LGI2: variants seen among roughly 807,000 people sequenced by gnomAD.
LGI2 encodes leucine rich repeat LGI family member 2.
Under a neutral mutation model 52.0 loss-of-function variants are expected in LGI2, and 30 were observed. That is an observed-to-expected ratio of 0.58 (90% CI 0.43 to 0.78). LGI2 has a LOEUF of 0.78. LGI2 is among the 30% of genes least tolerant of loss of function. The probability of loss-of-function intolerance (pLI) is 0.00; values close to 1 mark genes in which losing one functional copy is unlikely to be tolerated. For missense variants in LGI2, 573 were observed against 692.5 expected (o/e 0.83, Z 1.94); for synonymous variants, 270 against 271.8 (o/e 0.99, Z 0.06).
chr4:25,017,586 T>C (rs962827394), intron 6 of LGI2, among the ~76,000 whole-genome samples: 14 of 150,738 alleles, frequency 9.3e-5, no homozygotes, highest in Non-Finnish European at 1.9e-4. Context: ...TGTTTGTTAG[T>C]TAAATGTCCA....
At chr4:24,992,194 A>G in the LGI2 span, among the ~76,000 whole-genome samples, 1 of 152,200 alleles carries the variant, frequency 6.6e-6, no homozygotes. Flanking sequence ...CTTAGGCAAG[A>G]CACGTCATCT....
chr4:25,030,418 G>C, intron 1 of LGI2, 79 bp downstream of exon 1: 1 of 1,473,014 alleles, frequency 6.8e-7, no homozygotes, highest in Non-Finnish European at 9.2e-7. Flanking sequence ...GCGCTGGCCC[G>C]GCGCCAGAGG....
the LGI2 span, among the ~76,000 whole-genome samples, chr4:24,993,588 C>A: frequency 1.3e-5 from 2 of 152,176 alleles, no homozygotes; most frequent in Non-Finnish European, 2.9e-5. Context: ...TGCCTCCCAC[C>A]CCAACCCATG....
intron 7 of LGI2, among the ~76,000 whole-genome samples, chr4:25,005,881 C>T (rs1725379761): frequency 1.3e-5 from 2 of 152,186 alleles, no homozygotes; most frequent in African/African-American, 2.4e-5. Flanking sequence ...CTGGTTAACC[C>T]AACTCTCTGT....
rs200311162 is a variant in LGI2, at chr4:25,004,364, T to C, written c.821-96A>G. The C allele has an allele frequency of 9.3e-7, 1 of 1,071,208 alleles. No homozygotes were observed. Among genetic ancestry groups the C allele is most frequent in the East Asian group, 2.4e-5 (1 of 42,086 alleles). 66.4% of individuals were successfully genotyped at this position (1,071,208 alleles called of 1,614,324 possible). On this transcript the variant is annotated intron_variant, in intron 7 of 7. Transcript: ENST00000382114. The surrounding 1 kb of genome is among the most constrained non-coding windows in gnomAD (Gnocchi z 4.6). ...ATACACTGCTGGTGGGAGTGTGAAATGGCACAGCCACTATGGAAAACAGTA... is the reference window on the plus strand; with the variant it reads ...ATACACTGCTGGTGGGAGTGTGAAACGGCACAGCCACTATGGAAAACAGTA...
chr4:24,996,400 A>G (rs144813021), downstream of LGI2, among the ~76,000 whole-genome samples: 21 of 152,364 alleles, frequency 1.4e-4, no homozygotes, highest in Admixed American at 1.4e-3. Context: ...CATATGATTT[A>G]TAAGCCAAGA....
At chr4:25,024,088 C>T (rs532100601) in intron 4 of LGI2, among the ~76,000 whole-genome samples, 2 of 152,318 alleles carry the variant, frequency 1.3e-5, no homozygotes, top group East Asian at 3.9e-4. Context: ...CAACATTCCA[C>T]CTAGTCATCT....
chr4:25,030,030 TCA>T (rs1577564446), intron 1 of LGI2, among the ~76,000 whole-genome samples: 1 of 152,090 alleles, frequency 6.6e-6, no homozygotes, highest in East Asian at 1.9e-4. Context: ...CAGTTTGCAC[TCA>T]GTCAGGTCGT....
At chr4:25,028,078 G>C (rs879364749) in intron 2 of LGI2, among the ~76,000 whole-genome samples, 18 of 152,178 alleles carry the variant, frequency 1.2e-4, no homozygotes, top group African/African-American at 3.1e-4. Flanking sequence ...AATTACGCAC[G>C]TAAGTTCATA....
At chr4:25,030,229 C>T (rs1264336862) in intron 1 of LGI2, among the ~76,000 whole-genome samples, 1 of 152,238 alleles carries the variant, frequency 6.6e-6, no homozygotes, top group African/African-American at 2.4e-5. Flanking sequence ...CACAAGCTTC[C>T]CCAGGTGAGT....
intron 6 of LGI2, among the ~76,000 whole-genome samples, chr4:25,017,358 A>G (rs1725800476): frequency 6.6e-6 from 1 of 151,920 alleles, no homozygotes; most frequent in African/African-American, 2.4e-5. Context: ...CCTGGCCAAC[A>G]TGGTGAAACC....
chr4:24,994,779 G>C (rs967869926), downstream of LGI2, among the ~76,000 whole-genome samples: 1 of 152,170 alleles, frequency 6.6e-6, no homozygotes, highest in African/African-American at 2.4e-5. Context: ...CTCAGGCAGA[G>C]AATCGGGGCT....
At position 25,012,451 on chromosome 4, in the gene LGI2, G is replaced by C; in HGVS notation, c.704C>G (p.Thr235Arg). 1 of 1,614,166 alleles carries C rather than the reference G, an allele frequency of 6.2e-7. No individual in the cohort carries two copies. Among genetic ancestry groups the C allele is most frequent in the Non-Finnish European group, 8.5e-7 (1 of 1,180,004 alleles). ...TLPYQSVSVD[T>R]FNSKNDVYVA... ...GTACACATCGTTCTTGGAGTTGAAC[G>C]TATCCACTGAAACCGACTGGTAGGG... The change falls in exon 7 of 8, where the codon ACG becomes AGG. Residue 235 changes from threonine (T) to arginine (R), a missense_variant. By Grantham distance (71) the Thr-to-Arg change is moderately conservative (BLOSUM62 -1). Transcript: ENST00000382114.
rs551037011 is a variant in LGI2 at position 25,003,290 on chromosome 4, C to T, written c.*161G>A. On this transcript the variant is annotated 3_prime_UTR_variant, in exon 8 of 8. Coordinates refer to ENST00000382114, the MANE Select transcript of LGI2 (RefSeq NM_018176.4). ...TGCAGTTAGCCAATAAATGCAATCC[C>T]TGATTAAAATGTGAGTTCTAAAAGT... The T allele has an allele frequency of 2.1e-5, 12 of 564,822 alleles. 1 individual carries two copies. Among genetic ancestry groups the T allele is most frequent in the African/African-American group, 1.5e-4 (8 of 51,910 alleles). The allele number at this position is 564,822 out of a possible 1,614,324, so 35.0% of individuals were successfully genotyped here. A position where few individuals can be genotyped will look rare whatever the true frequency, so the allele number is the denominator to read the frequency against.
the LGI2 span, among the ~76,000 whole-genome samples, chr4:24,993,218 A>C: frequency 6.6e-6 from 1 of 152,182 alleles, no homozygotes; most frequent in East Asian, 1.9e-4. Flanking sequence ...TCTCTGTTTC[A>C]GGTCTTATTG....
At position 25,023,306 on chromosome 4, in the gene LGI2, C is replaced by G. The variant is rs1726034755; in HGVS notation, c.413+1514G>C. On this transcript the variant is annotated intron_variant, in intron 4 of 7. Transcript: ENST00000382114. ...CTATCCAAGCCTATACGACTCCAAGCCCACAATTGTAGTCTCTACAGGAAT... is the reference window on the plus strand; with the variant it reads ...CTATCCAAGCCTATACGACTCCAAGGCCACAATTGTAGTCTCTACAGGAAT... 1.3e-5 allele frequency among the ~76,000 whole-genome samples: 2 copies of G among 152,160 alleles called. 1 individual carries two copies. Among genetic ancestry groups the G allele is most frequent in the South Asian group, 4.1e-4 (2 of 4,828 alleles).
chr4:25,003,883 A>G lies in LGI2; in HGVS notation c.1206T>C (p.Asn402=), dbSNP rs2109403625. ...GGGGGACAAACTTCTTAGAGCTTTT[A>G]TTCCACTGGAGGATGATGGGGACCT... ...RSQVPIILQW[N]KSSKKFVPHG... Residue 402 remains asparagine (N), a synonymous_variant, in exon 8 of 8, where the codon AAT becomes AAC. Coordinates refer to ENST00000382114, the MANE Select transcript of LGI2 (RefSeq NM_018176.4). 1.9e-6 allele frequency: 3 copies of G among 1,614,192 alleles called. No individual in the cohort carries two copies. The South Asian group carries it at 3.3e-5, about 18-fold the overall frequency.
rs7668268 is a variant in LGI2, at chr4:25,012,276, C to G, written c.820+59G>C. 14 of 1,588,392 alleles carry G rather than the reference C, an allele frequency of 8.8e-6. No individual in the cohort carries two copies. In the South Asian group the frequency reaches 1.2e-4, roughly 14 times the overall value. ...TCAATACAGAGGACATTCCTCCTCCCGCGGGCTTGCCGCAATGCTGAAATT... is the reference window on the plus strand; with the variant it reads ...TCAATACAGAGGACATTCCTCCTCCGGCGGGCTTGCCGCAATGCTGAAATT... On this transcript the variant is annotated intron_variant, in intron 7 of 7. Coordinates refer to ENST00000382114, the MANE Select transcript of LGI2 (RefSeq NM_018176.4).
intron 6 of LGI2, among the ~76,000 whole-genome samples, chr4:25,013,142 T>A (rs951045464): frequency 1.3e-5 from 2 of 152,198 alleles, no homozygotes; most frequent in African/African-American, 4.8e-5. Context: ...CTTAGGGGTA[T>A]TATGGTTTCT....
Sources: gnomAD v4.1 joint callset for allele counts (sites outside exome capture counted in the v4.1 genomes callset) on GRCh38, gnomAD v4.1.1 for gene constraint, Gnocchi (gnomAD v3.1) non-coding constraint, MANE v1.5 for transcripts, NCBI Gene and HGNC (gene_info 2026-07-23, HGNC 2026-07-21) for gene names.